NAT1: variants seen among roughly 807,000 people sequenced by gnomAD.
The protein encoded by NAT1 is arylamine N-acetyltransferase 1.
For synonymous variants in NAT1, 144 were observed against 122.6 expected (o/e 1.17, Z -1.16); for missense variants, 400 against 339.2 (o/e 1.18, Z -1.41).
intron 2 of NAT1, among the ~76,000 whole-genome samples, chr8:18,200,310 G>T (rs1312924328): frequency 1.1e-5 from 1 of 88,030 alleles, no homozygotes; most frequent in African/African-American, 4.0e-5. Context: ...ATCAATGATA[G>T]ACTGGATTAA....
chr8:18,193,095 G>C (rs1375108773), intron 2 of NAT1, among the ~76,000 whole-genome samples: 1 of 33,666 alleles, frequency 3.0e-5, no homozygotes, highest in South Asian at 1.0e-3. Flanking sequence ...TTTTTTTTTT[G>C]AGACAGGGTC....
chr8:18,200,398 G>C (rs938930332), intron 2 of NAT1, among the ~76,000 whole-genome samples: 1 of 152,170 alleles, frequency 6.6e-6, no homozygotes, highest in African/African-American at 2.4e-5. Flanking sequence ...CATGGCTAGA[G>C]CTGGAGGCCA....
rs8190843 is a variant in NAT1 at position 18,221,000 on chromosome 8, G to C, written c.-6-1042G>C. Among the ~76,000 whole-genome samples, 474 of 152,224 alleles carry C rather than the reference G, an allele frequency of 3.1e-3. 4 individuals carry two copies. The highest frequency in any genetic ancestry group is 0.011 in the African/African-American group (459 of 41,526). On this transcript the variant is annotated intron_variant, in intron 2 of 2. Transcript: ENST00000307719. ...CATCACTTTGATTGTGGCAAACATT[G>C]CTCAATTACAACCCTTCTCTCAGGC...
chr8:18,222,389 T>C lies in NAT1; in HGVS notation c.342T>C (p.Ile114=), dbSNP rs371752075. 3.8e-5 allele frequency: 61 copies of C among 1,613,966 alleles called. 3 individuals are homozygous for C. In the East Asian group the frequency reaches 3.8e-4, roughly 10 times the overall value. ...GMIHLLLQVT[I]DGRNYIVDAG... is the part of the protein sequence containing the mutation. ...TTCACCTTCTCCTGCAGGTGACCAT[T>C]GATGGCAGGAACTACATTGTCGATG... Residue 114 remains isoleucine, a synonymous_variant, in exon 3 of 3, where the codon ATT becomes ATC. Transcript: ENST00000307719.
intron 2 of NAT1, among the ~76,000 whole-genome samples, chr8:18,196,932 T>G (rs1045218486): frequency 3.9e-5 from 6 of 152,172 alleles, no homozygotes; most frequent in Non-Finnish European, 8.8e-5. Flanking sequence ...ATAAAGAGTA[T>G]TACCCAAGAG....
At chr8:18,205,776 C>A (rs898192484), upstream of NAT1, among the ~76,000 whole-genome samples, 1 of 152,164 alleles carries the variant, frequency 6.6e-6, no homozygotes, top group Non-Finnish European at 1.5e-5. Context: ...TGCTAGAGCT[C>A]CTCGCAGGTT....
chr8:18,204,163 TTCTC>T (rs111268683), intron 2 of NAT1, among the ~76,000 whole-genome samples: 13 of 148,600 alleles, frequency 8.7e-5, no homozygotes, highest in Middle Eastern at 3.5e-3. Flanking sequence ...TTGGATGTCT[TTCTC>T]TCTCTCTCTC....
chr8:18,174,012 C>A (rs1802195826), intron 2 of NAT1, among the ~76,000 whole-genome samples: 1 of 152,080 alleles, frequency 6.6e-6, no homozygotes, highest in African/African-American at 2.4e-5. Flanking sequence ...GAAACAGAGA[C>A]AGAGCTTGTT....
chr8:18,208,111 G>C (rs1022752151), upstream of NAT1, among the ~76,000 whole-genome samples: 2 of 148,412 alleles, frequency 1.3e-5, no homozygotes, highest in African/African-American at 2.4e-5. Flanking sequence ...ACTGGGGCCC[G>C]TTGGGGTGAG....
intron 2 of NAT1, chr8:18,201,087 T>C (rs1037907240): frequency 6.6e-6 from 1 of 152,176 alleles, no homozygotes; most frequent in Non-Finnish European, 1.5e-5. Context: ...TCATGATGAA[T>C]ACTGACAGCA....
At chr8:18,216,886 G>A (rs766861942) in intron 1 of NAT1, 4 of 1,548,118 alleles carry the variant, frequency 2.6e-6, no homozygotes, top group African/African-American at 1.4e-5. Flanking sequence ...GACGTGTACA[G>A]AAGGGCCATG....
intron 2 of NAT1, among the ~76,000 whole-genome samples, chr8:18,174,822 G>T (rs1467910441): frequency 1.3e-5 from 2 of 151,976 alleles, no homozygotes; most frequent in Non-Finnish European, 2.9e-5. Flanking sequence ...GAAAAGGATT[G>T]GCTCTATAAC....
intron 2 of NAT1, among the ~76,000 whole-genome samples, chr8:18,175,509 T>C (rs1004403381): frequency 2.0e-5 from 3 of 152,134 alleles, no homozygotes; most frequent in African/African-American, 7.2e-5. Flanking sequence ...CACAGTGTTC[T>C]CCAGCTCCAT....
At chr8:18,205,667 C>T (rs778020645), upstream of NAT1, among the ~76,000 whole-genome samples, 19 of 152,218 alleles carry the variant, frequency 1.2e-4, no homozygotes, top group Non-Finnish European at 2.4e-4. Flanking sequence ...CATTCAGACA[C>T]ATGCCAGCAA....
intron 2 of NAT1, among the ~76,000 whole-genome samples, chr8:18,176,284 C>A (rs73587979): frequency 6.6e-6 from 1 of 152,042 alleles, no homozygotes; most frequent in South Asian, 2.1e-4. Flanking sequence ...ATCTTGCCCA[C>A]ACCAATGTCA....
At chr8:18,193,558 T>C (rs529614923) in intron 2 of NAT1, among the ~76,000 whole-genome samples, 36 of 146,096 alleles carry the variant, frequency 2.5e-4, no homozygotes, top group African/African-American at 8.5e-4. Flanking sequence ...ACCAGGTCCT[T>C]AAAGAGACAG....
rs1415739164 is a variant in NAT1 at position 18,222,647 on chromosome 8, A to G, written c.600A>G (p.Glu200=). The change falls in exon 3 of 3, where the codon GAA becomes GAG. Residue 200 remains glutamate, a synonymous_variant. Transcript: ENST00000307719. ...YSFTLKPRTI[E]DFESMNTYLQ... ...TTACTCTTAAGCCTCGAACAATTGA[A>G]GATTTTGAGTCTATGAATACATACC... 1.2e-6 allele frequency: 2 copies of G among 1,613,446 alleles called. No homozygotes were observed. Among genetic ancestry groups the G allele is most frequent in the South Asian group, 2.2e-5 (2 of 90,930 alleles).
chr8:18,222,864 A>G lies in NAT1; in HGVS notation c.817A>G (p.Ile273Val). ...IEKVLKNIFN[I>V]SLQRKLVPKH... ...AAAAGTGCTGAAAAATATATTTAAT[A>G]TTTCCTTGCAGAGAAAGCTTGTGCC... The change falls in exon 3 of 3, where the codon ATT (isoleucine) becomes GTT (valine). Residue 273 changes from isoleucine to valine, a missense_variant. Transcript: ENST00000307719. The G allele has an allele frequency of 6.3e-7, 1 of 1,594,340 alleles. No homozygotes were observed. Among genetic ancestry groups the G allele is most frequent in the Non-Finnish European group, 8.5e-7 (1 of 1,173,986 alleles).
intron 2 of NAT1, among the ~76,000 whole-genome samples, chr8:18,191,061 C>G (rs1263696982): frequency 6.9e-6 from 1 of 144,626 alleles, no homozygotes; most frequent in East Asian, 2.0e-4. Flanking sequence ...CAAGACTGTC[C>G]AAAAAAAAAA....
Sources: gnomAD v4.1 joint callset for allele counts (sites outside exome capture counted in the v4.1 genomes callset) on GRCh38, gnomAD v4.1.1 for gene constraint, MANE v1.5 for transcripts, NCBI Gene and HGNC (gene_info 2026-07-23, HGNC 2026-07-21) for gene names.